MECOM: variants seen among roughly 807,000 people sequenced by gnomAD.
MECOM encodes MDS1 and EVI1 complex locus, also known as histone-lysine N-methyltransferase MECOM.
A neutral mutation model predicts 116.3 loss-of-function variants in MECOM; 13 were observed. The observed-to-expected ratio is 0.11, with a 90% CI of 0.07 to 0.18. MECOM has a LOEUF of 0.18. Among genes scored for constraint, MECOM ranks in the 10% least tolerant of loss-of-function variants. The pLI is 1.00. For missense variants in MECOM, 1,299 were observed against 1,509.0 expected, an observed-to-expected ratio of 0.86 and a Z score of 2.31; for synonymous variants, 528 against 535.2, an observed-to-expected ratio of 0.99 and a Z score of 0.19.
chr3:169,447,353 G>A (rs1918972), intron 1 of MECOM, among the ~76,000 whole-genome samples: 18,345 of 152,106 alleles, frequency 0.12, 1,402 homozygotes, highest in East Asian at 0.29. Flanking sequence ...TAGTTGACTG[G>A]GGGAGGGAAC....
intron 1 of MECOM, among the ~76,000 whole-genome samples, chr3:169,516,431 C>T (rs995052183): frequency 6.6e-6 from 1 of 151,992 alleles, no homozygotes; most frequent in Non-Finnish European, 1.5e-5. Flanking sequence ...CTATGAATAG[C>T]GTACTCAATT....
intron 2 of MECOM, among the ~76,000 whole-genome samples, chr3:169,270,374 T>C (rs1253364995): frequency 6.6e-6 from 1 of 152,102 alleles, no homozygotes; most frequent in Non-Finnish European, 1.5e-5. Flanking sequence ...CCAGATTATA[T>C]CTATATCTGT....
In MECOM at chr3:169,115,661, G is replaced by A. The variant is rs1335891021; in HGVS notation, c.2211C>T (p.Ser737=). Residue 737 remains serine, a synonymous_variant, in exon 8 of 17, where the codon AGC becomes AGT. Transcript: ENST00000651503. ...PGEVKKLQKG[S]SESPFDLTTK... ...TGGTGAGATCAAAGGGGGACTCAGA[G>A]CTGCCCTTCTGCAGTTTCTTTACTT... 1 of 1,614,154 alleles carries A rather than the reference G, an allele frequency of 6.2e-7. No individual in the cohort carries two copies. Among genetic ancestry groups the A allele is most frequent in the East Asian group, 2.2e-5 (1 of 44,870 alleles).
intron 1 of MECOM, among the ~76,000 whole-genome samples, chr3:169,430,372 A>G (rs534493451): frequency 6.6e-6 from 1 of 152,302 alleles, no homozygotes; most frequent in African/African-American, 2.4e-5. Context: ...GGACTGGATG[A>G]CATAGTACTA....
chr3:169,312,501 T>G (rs1718986274), intron 2 of MECOM, among the ~76,000 whole-genome samples: 1 of 151,652 alleles, frequency 6.6e-6, no homozygotes, highest in African/African-American at 2.4e-5. Context: ...CCCGAGTAGC[T>G]GGGACCACAG....
intron 2 of MECOM, among the ~76,000 whole-genome samples, chr3:169,379,516 G>A (rs561997544): frequency 7.4e-6 from 1 of 134,388 alleles, no homozygotes; most frequent in African/African-American, 2.7e-5. Flanking sequence ...CAGTGTATAT[G>A]TGGAAGACAT....
chr3:169,429,017 A>G (rs1362574344), intron 1 of MECOM, among the ~76,000 whole-genome samples: 2 of 152,262 alleles, frequency 1.3e-5, no homozygotes, highest in Non-Finnish European at 2.9e-5. Flanking sequence ...TGGTATAACC[A>G]AAGAGCCACA....
At chr3:169,268,235 GT>G (rs879633881) in intron 2 of MECOM, among the ~76,000 whole-genome samples, 3 of 152,152 alleles carry the variant, frequency 2.0e-5, no homozygotes, top group African/African-American at 4.8e-5. Context: ...GACAAACAGT[GT>G]TATTATCTCT....
chr3:169,360,339 A>G (rs1354537494), intron 2 of MECOM, among the ~76,000 whole-genome samples: 3 of 149,420 alleles, frequency 2.0e-5, no homozygotes, highest in Admixed American at 6.7e-5. Context: ...AAAGAAAAAA[A>G]AAAAGAAAAA....
intron 2 of MECOM, among the ~76,000 whole-genome samples, chr3:169,190,064 A>C (rs1056451071): frequency 1.3e-5 from 2 of 152,050 alleles, no homozygotes; most frequent in African/African-American, 4.8e-5. Flanking sequence ...TGATAATATA[A>C]ATCATAAAAG....
At position 169,275,439 on chromosome 3, in the gene MECOM, G is replaced by A. The variant is rs182233361; in HGVS notation, c.375+105748C>T. 5.4e-3 allele frequency among the ~76,000 whole-genome samples: 821 copies of A among 152,226 alleles called. 10 individuals carry two copies. Among genetic ancestry groups the A allele is most frequent in the African/African-American group, 0.018 (767 of 41,546 alleles). On this transcript the variant is annotated intron_variant, in intron 2 of 16. Transcript: ENST00000651503. ...AGGTGTTGTCATTGGGTCTGTTTTT[G>A]GAAGGTCTCCTGCCTAGGGCGTTTA... is the stretch of plus-strand genomic sequence containing the variant.
At chr3:169,518,254 A>T (rs1382911542) in intron 1 of MECOM, among the ~76,000 whole-genome samples, 1 of 140,378 alleles carries the variant, frequency 7.1e-6, no homozygotes, top group East Asian at 2.0e-4. Flanking sequence ...GTGAGACTCC[A>T]TCTCAAAAAA....
intron 13 of MECOM, 137 bp downstream of exon 13, chr3:169,094,939 A>C (rs1721005858): frequency 5.8e-6 from 4 of 690,092 alleles, no homozygotes; most frequent in South Asian, 3.9e-5. Context: ...CTCAACAGAA[A>C]CTTCCTGGGA....
chr3:169,649,477 T>A (rs1047209456), intron 1 of MECOM, among the ~76,000 whole-genome samples: 1 of 151,570 alleles, frequency 6.6e-6, no homozygotes, highest in East Asian at 1.9e-4. Flanking sequence ...GATTCAGTAT[T>A]CCAAGCTCAC....
At chr3:169,391,730 A>G (rs1291320096) in intron 1 of MECOM, among the ~76,000 whole-genome samples, 1 of 152,178 alleles carries the variant, frequency 6.6e-6, no homozygotes, top group East Asian at 1.9e-4. Flanking sequence ...AACACAAGCT[A>G]GGTATTTAAG....
chr3:169,412,323 TA>T (rs1306681365), intron 1 of MECOM, among the ~76,000 whole-genome samples: 7 of 151,458 alleles, frequency 4.6e-5, no homozygotes. Flanking sequence ...ATTAAAAAGA[TA>T]AAAATAAATT....
At chr3:169,146,432 A>G (rs1239545449) in intron 2 of MECOM, 5 of 1,391,044 alleles carry the variant, frequency 3.6e-6, no homozygotes, top group Non-Finnish European at 4.8e-6. Context: ...GAAGGAGGAG[A>G]AGAGCGCAAG....
chr3:169,205,792 C>A (rs182753630), intron 2 of MECOM, among the ~76,000 whole-genome samples: 28 of 152,278 alleles, frequency 1.8e-4, no homozygotes, highest in African/African-American at 6.3e-4. Context: ...TTTTAGAAAT[C>A]ATTTAACTCA....
chr3:169,509,575 A>C (rs909118425), intron 1 of MECOM, among the ~76,000 whole-genome samples: 1 of 151,976 alleles, frequency 6.6e-6, no homozygotes, highest in Non-Finnish European at 1.5e-5. Context: ...GAATTTGCCT[A>C]TTCTAGGCCT....
Sources: gnomAD v4.1 joint callset for allele counts (sites outside exome capture counted in the v4.1 genomes callset) on GRCh38, gnomAD v4.1.1 for gene constraint, MANE v1.5 for transcripts, NCBI Gene and HGNC (gene_info 2026-07-23, HGNC 2026-07-21) for gene names.